Variants in CCDC59 observed in about 807,000 individuals in gnomAD.
CCDC59 encodes the protein coiled-coil domain containing 59.
CCDC59 carries 27 observed loss-of-function variants against 30.5 expected under a neutral mutation model. That is an observed-to-expected ratio of 0.89 (90% CI 0.65 to 1.22). The LOEUF is 1.22. CCDC59 is among the 50% of genes most tolerant of loss of function. The pLI is 0.00. For synonymous variants in CCDC59, 125 were observed against 100.9 expected, an observed-to-expected ratio of 1.24 and a Z score of -1.43; for missense variants, 362 against 284.4, an observed-to-expected ratio of 1.27 and a Z score of -1.96.
In CCDC59 at chr12:82,358,251, C is replaced by T. The variant is rs755401610; in HGVS notation, c.126G>A (p.Pro42=). The T allele has an allele frequency of 1.2e-6, 2 of 1,614,182 alleles. No individual in the cohort carries two copies. The highest frequency in any genetic ancestry group is 8.5e-7 in the Non-Finnish European group (1 of 1,180,036). Residue 42 remains proline, a synonymous_variant, in exon 1 of 4, where the codon CCG becomes CCA. Coordinates refer to ENST00000256151, the MANE Select transcript of CCDC59 (RefSeq NM_014167.5). The stretch of plus-strand genomic sequence containing the variant: ...CGCGAACGCTCCCCACGAAGGCTTG[C>T]GGGTGGTTAGGCCGCCATGTCTTCT... ...VRQKTWRPNH[P]QAFVGSVREG...
rs751558373 is a variant in CCDC59 at position 82,353,032 on chromosome 12, A to T, written c.*119T>A. ...CATAATAAAAATATGTGAACATCTT[A>T]TATTTAGCATAGTTTAGCAATCCAG... On this transcript the variant is annotated 3_prime_UTR_variant, in exon 4 of 4. Coordinates refer to ENST00000256151, the MANE Select transcript of CCDC59 (RefSeq NM_014167.5). 1.4e-6 allele frequency: 1 copy of T among 701,294 alleles called. No homozygotes were observed. The allele number at this position is 701,294 out of a possible 1,614,324, so 43.4% of individuals were successfully genotyped here.
At position 82,352,467 on chromosome 12, in the gene CCDC59, G is replaced by T. The variant is rs1398572124; in HGVS notation, c.*684C>A. On this transcript the variant is annotated 3_prime_UTR_variant, in exon 4 of 4. Coordinates refer to ENST00000256151, the MANE Select transcript of CCDC59 (RefSeq NM_014167.5). Reference sequence around the variant, plus strand: ...CCAGTGGCTTATCTCAGCTCACAAGGGTACCAACAAGGGAGACAGAGATAA... The same window carrying T: ...CCAGTGGCTTATCTCAGCTCACAAGTGTACCAACAAGGGAGACAGAGATAA... 3 of 152,194 alleles carry T rather than the reference G, an allele frequency of 2.0e-5. No homozygotes were observed. Among genetic ancestry groups the T allele is most frequent in the Admixed American group, 2.0e-4 (3 of 15,274 alleles). The allele number at this position is 152,194 out of a possible 1,614,324, so 9.4% of individuals were successfully genotyped here.
chr12:82,354,429 G>C, intron 3 of CCDC59, 66 bp downstream of exon 3: 2 of 1,234,502 alleles, frequency 1.6e-6, no homozygotes, highest in Non-Finnish European at 2.2e-6. Context: ...AAGCACAACA[G>C]GTATAGTATA....
chr12:82,358,741 TGGCTGCGCTGAGGAAGTC>T, upstream of CCDC59: 1 of 1,613,838 alleles, frequency 6.2e-7, no homozygotes, highest in African/African-American at 1.3e-5. Context: ...GAGACAGTGC[TGGCTGCGCTGAGGAAGTC>T]AGCGTCGGAG....
intron 1 of CCDC59, among the ~76,000 whole-genome samples, chr12:82,357,803 T>A (rs981343917): frequency 3.3e-5 from 5 of 152,156 alleles, no homozygotes; most frequent in Admixed American, 2.0e-4. Context: ...CAGACAGCAA[T>A]ACAAAATGAC....
chr12:82,356,700 T>TACC, intron 2 of CCDC59: 1 of 324,738 alleles, frequency 3.1e-6, no homozygotes, highest in East Asian at 5.4e-5. Flanking sequence ...CCAATCAAGT[T>TACC]ACCACCTGTA....
At position 82,357,276 on chromosome 12, in the gene CCDC59, T is replaced by C. The variant is rs1194816202; in HGVS notation, c.155-7A>G. 32 of 1,480,330 alleles carry C rather than the reference T, an allele frequency of 2.2e-5. No individual in the cohort carries two copies. The highest frequency in any genetic ancestry group is 3.9e-5 in the African/African-American group (2 of 50,796). 91.7% of individuals were successfully genotyped at this position (1,480,330 alleles called of 1,614,324 possible). ...CGAAAAGCAAAGCCTTGTCCTACAT[T>C]GAGGAATATCATCCAAAATTACTTT... On this transcript the variant is annotated splice_region_variant and splice_polypyrimidine_tract_variant and intron_variant, in intron 1 of 3. Transcript: ENST00000256151.
Position 82,353,082 on chromosome 12 carries a change from T to A in CCDC59, c.*69A>T. 7.8e-7 allele frequency: 1 copy of A among 1,276,258 alleles called. No homozygotes were observed. The highest frequency in any genetic ancestry group is 1.1e-6 in the Non-Finnish European group (1 of 921,412). The allele number at this position is 1,276,258 out of a possible 1,614,324, so 79.1% of individuals were successfully genotyped here. On this transcript the variant is annotated 3_prime_UTR_variant, in exon 4 of 4. Transcript: ENST00000256151. Reference sequence around the variant, plus strand: ...GTTTATGTCGACAAATTTAGTTCACTGCTGGGAGGCACATGTCACAGAAGA... The same window carrying A: ...GTTTATGTCGACAAATTTAGTTCACAGCTGGGAGGCACATGTCACAGAAGA...
intron 1 of CCDC59, among the ~76,000 whole-genome samples, chr12:82,357,947 ACT>A (rs766993666): frequency 1.3e-5 from 2 of 152,056 alleles, no homozygotes; most frequent in East Asian, 3.8e-4. Flanking sequence ...AGGGTCATAG[ACT>A]CTCTCTGCTC....
At chr12:82,358,129 C>T (rs1210709966) in intron 1 of CCDC59, 94 bp downstream of exon 1, 11 of 1,440,168 alleles carry the variant, frequency 7.6e-6, no homozygotes, top group Non-Finnish European at 1.1e-5. Context: ...AGGACCGGGT[C>T]TGGTTCCTAA....
chr12:82,358,346 G>T lies in CCDC59; in HGVS notation c.31C>A (p.Arg11=). 1.1e-5 allele frequency: 18 copies of T among 1,613,784 alleles called. No homozygotes were observed. Among genetic ancestry groups the T allele is most frequent in the Non-Finnish European group, 1.4e-5 (16 of 1,180,010 alleles). MAPVRRSAKW[R]PGGIEARGEG... is the part of the protein sequence containing the mutation. ...CCACGCGCCTCAATACCACCAGGCC[G>T]CCACTTCGCGGACCGCCTCACCGGC... The change falls in exon 1 of 4, where the codon CGG becomes AGG. Residue 11 remains arginine (R), a synonymous_variant. Coordinates refer to ENST00000256151, the MANE Select transcript of CCDC59 (RefSeq NM_014167.5).
intron 1 of CCDC59, 67 bp from the exon 2 acceptor site, chr12:82,357,336 T>C: frequency 7.5e-7 from 1 of 1,331,286 alleles, no homozygotes; most frequent in Non-Finnish European, 1.0e-6. Context: ...ATGGAGCTGT[T>C]AATTACAAAT....
chr12:82,355,723 C>CG (rs1353831749), intron 2 of CCDC59: 1 of 152,102 alleles, frequency 6.6e-6, no homozygotes, highest in Non-Finnish European at 1.5e-5. Flanking sequence ...AAACAGATAA[C>CG]GGGGGACCAC....
In CCDC59 at chr12:82,354,759, T is replaced by C. The variant is rs146515611; in HGVS notation, c.465-165A>G. The C allele has an allele frequency of 3.4e-3, 1,817 of 528,260 alleles. 24 individuals carry two copies. Among genetic ancestry groups the C allele is most frequent in the African/African-American group, 0.033 (1,642 of 49,972 alleles). 32.7% of individuals were successfully genotyped at this position (528,260 alleles called of 1,614,324 possible). ...AAAAAATATAGAAAGCTATGAAAAA[T>C]CCTAAAATGTTAAAAAAAAAAACTT... is the stretch of plus-strand genomic sequence containing the variant. On this transcript the variant is annotated intron_variant, in intron 2 of 3. Coordinates refer to ENST00000256151, the MANE Select transcript of CCDC59 (RefSeq NM_014167.5).
At position 82,353,073 on chromosome 12, in the gene CCDC59, T is replaced by G; in HGVS notation, c.*78A>C. ...AGCAATCCAGTTTATGTCGACAAAT[T>G]TAGTTCACTGCTGGGAGGCACATGT... On this transcript the variant is annotated 3_prime_UTR_variant, in exon 4 of 4. Coordinates refer to ENST00000256151, the MANE Select transcript of CCDC59 (RefSeq NM_014167.5). The G allele has an allele frequency of 8.8e-7, 1 of 1,130,950 alleles. No homozygotes were observed. The highest frequency in any genetic ancestry group is 1.2e-6 in the Non-Finnish European group (1 of 800,150). 70.1% of individuals were successfully genotyped at this position (1,130,950 alleles called of 1,614,324 possible). A position where few individuals can be genotyped will look rare whatever the true frequency, so the allele number is the denominator to read the frequency against.
chr12:82,353,432 G>T, intron 3 of CCDC59, 120 bp from the exon 4 acceptor site: 1 of 724,074 alleles, frequency 1.4e-6, no homozygotes, highest in Non-Finnish European at 2.2e-6. Flanking sequence ...TATTTTGCAA[G>T]ATGTGCACTG....
rs757420665 is a variant in CCDC59, at chr12:82,358,302, G to A, written c.75C>T (p.Val25=). 9 of 1,614,110 alleles carry A rather than the reference G, an allele frequency of 5.6e-6. No individual in the cohort carries two copies. Among genetic ancestry groups the A allele is most frequent in the Non-Finnish European group, 7.6e-6 (9 of 1,180,024 alleles). ...IEARGEGVST[V]GYRNKNVRQK... ...GTCTCACATTCTTATTCCTGTACCC[G>A]ACAGTGGAAACCCCTTCACCACGCG... The change falls in exon 1 of 4, where the codon GTC becomes GTT. Residue 25 remains valine, a synonymous_variant. Transcript: ENST00000256151.
upstream of CCDC59, chr12:82,358,579 G>C: frequency 6.2e-7 from 1 of 1,611,458 alleles, no homozygotes; most frequent in Non-Finnish European, 8.5e-7. Context: ...GCGGCTTCTT[G>C]CCCTCTCCCG....
intron 3 of CCDC59, among the ~76,000 whole-genome samples, chr12:82,353,978 A>G (rs1464420903): frequency 6.6e-6 from 1 of 151,734 alleles, no homozygotes; most frequent in Non-Finnish European, 1.5e-5. Flanking sequence ...CTGGTTTTCT[A>G]AATAATAGAG....
Sources: allele counts gnomAD v4.1 joint callset (sites outside exome capture counted in the v4.1 genomes callset), GRCh38; gene constraint gnomAD v4.1.1; transcripts MANE v1.5; gene names NCBI Gene and HGNC (gene_info 2026-07-23, HGNC 2026-07-21).